The following BARD1 variants were observed in gnomAD, a reference collection of about 807,000 sequenced individuals.
BARD1 encodes the protein BRCA1-associated RING domain protein 1.
Under a neutral mutation model 77.0 loss-of-function variants are expected in BARD1, and 73 were observed. That is an observed-to-expected ratio of 0.95 (90% CI 0.79 to 1.15). The LOEUF (loss-of-function observed/expected upper bound fraction) is 1.15. BARD1 is among the 50% of genes most tolerant of loss of function. The probability of loss-of-function intolerance (pLI) is 0.00; values close to 1 mark genes in which losing one functional copy is unlikely to be tolerated. For missense variants in BARD1, 993 were observed against 938.8 expected (o/e 1.06, Z -0.75); for synonymous variants, 384 against 338.0 (o/e 1.14, Z -1.49).
At chr2:214,761,999 A>G (rs979029454) in intron 6 of BARD1, among the ~76,000 whole-genome samples, 1 of 152,202 alleles carries the variant, frequency 6.6e-6, no homozygotes, top group Non-Finnish European at 1.5e-5. Flanking sequence ...CAAGAATAAC[A>G]AATTATATTT....
At chr2:214,789,564 A>T (rs918078992) in intron 3 of BARD1, among the ~76,000 whole-genome samples, 8 of 152,064 alleles carry the variant, frequency 5.3e-5, no homozygotes, top group African/African-American at 1.7e-4. Context: ...AAATAAATAA[A>T]TAATTTTAAT....
At chr2:214,757,093 T>C (rs536985462) in intron 6 of BARD1, among the ~76,000 whole-genome samples, 1 of 152,284 alleles carries the variant, frequency 6.6e-6, no homozygotes, top group South Asian at 2.1e-4. Flanking sequence ...ACCATGACTG[T>C]AAGTTTCCTG....
intron 3 of BARD1, among the ~76,000 whole-genome samples, chr2:214,782,697 G>A (rs1239479743): frequency 1.3e-5 from 2 of 152,114 alleles, no homozygotes; most frequent in Non-Finnish European, 2.9e-5. Flanking sequence ...ATCAAGGAAG[G>A]CATCAAGGAG....
intron 9 of BARD1, among the ~76,000 whole-genome samples, chr2:214,744,485 C>T (rs757064059): frequency 2.6e-5 from 4 of 152,112 alleles, no homozygotes; most frequent in Non-Finnish European, 4.4e-5. Context: ...TAACATGAAT[C>T]GCTTAGGCTT....
intron 6 of BARD1, among the ~76,000 whole-genome samples, chr2:214,759,764 A>G (rs181720601): frequency 1.4e-3 from 207 of 152,292 alleles, no homozygotes; most frequent in African/African-American, 4.7e-3. Flanking sequence ...CACAGCCTCT[A>G]TGGGAAAAAA....
chr2:214,738,704 G>C lies in BARD1; in HGVS notation c.1903+6363C>G, dbSNP rs117538984. 1.3e-5 allele frequency among the ~76,000 whole-genome samples: 2 copies of C among 152,212 alleles called. 1 individual carries two copies. Among genetic ancestry groups the C allele is most frequent in the Middle Eastern group, 6.8e-3 (2 of 294 alleles). Reference sequence around the variant, plus strand: ...ATCCACAGTTATACAAAAATGATGAGAGAATACAATGAAGATGGAAGAAAA... The same window carrying C: ...ATCCACAGTTATACAAAAATGATGACAGAATACAATGAAGATGGAAGAAAA... On this transcript the variant is annotated intron_variant, in intron 9 of 10. Coordinates refer to ENST00000260947, the MANE Select transcript of BARD1 (RefSeq NM_000465.4).
In BARD1 at chr2:214,809,607, G is replaced by A. The variant is rs2106172373; in HGVS notation, c.-38C>T. 1 of 1,525,534 alleles carries A rather than the reference G, an allele frequency of 6.6e-7. No individual in the cohort carries two copies. The highest frequency in any genetic ancestry group is 1.4e-5 in the African/African-American group (1 of 72,918). The allele number at this position is 1,525,534 out of a possible 1,614,324, so 94.5% of individuals were successfully genotyped here. On this transcript the variant is annotated 5_prime_UTR_variant, in exon 1 of 11. Transcript: ENST00000260947. ...GGATGAAAGGCTCCTCGCAGAGCGGGAAGCAAGGAAGCCTCGGGAAACCAC... is the reference window on the plus strand; with the variant it reads ...GGATGAAAGGCTCCTCGCAGAGCGGAAAGCAAGGAAGCCTCGGGAAACCAC...
intron 9 of BARD1, among the ~76,000 whole-genome samples, chr2:214,744,007 C>T (rs1337566038): frequency 2.0e-5 from 3 of 152,144 alleles, no homozygotes; most frequent in African/African-American, 7.2e-5. Context: ...AACTACTAAT[C>T]TTTTGTAAAC....
chr2:214,809,457 C>A lies in BARD1; in HGVS notation c.113G>T (p.Arg38Leu). 6.2e-7 allele frequency: 1 copy of A among 1,611,386 alleles called. No homozygotes were observed. Among genetic ancestry groups the A allele is most frequent in the East Asian group, 2.2e-5 (1 of 44,816 alleles). Residue 38 changes from arginine to leucine, a missense_variant, in exon 1 of 11, where the codon CGC becomes CTC. By Grantham distance (102) the Arg-to-Leu change is moderately radical (BLOSUM62 -2). Coordinates refer to ENST00000260947, the MANE Select transcript of BARD1 (RefSeq NM_000465.4). ...PDGRGAWAHSRAALDRLEKLL... is the reference protein window; with the variant it reads ...PDGRGAWAHSLAALDRLEKLL... ...CTTCTCCAGGCGGTCGAGCGCGGCG[C>A]GACTGTGGGCCCAGGCACCGCGACC...
At chr2:214,760,389 C>T (rs989154668) in intron 6 of BARD1, among the ~76,000 whole-genome samples, 4 of 152,138 alleles carry the variant, frequency 2.6e-5, no homozygotes. Flanking sequence ...GATGGGGTTT[C>T]ACCATGTTGG....
chr2:214,793,224 C>T (rs184246882), intron 2 of BARD1, among the ~76,000 whole-genome samples: 23 of 152,252 alleles, frequency 1.5e-4, no homozygotes, highest in African/African-American at 5.3e-4. Context: ...GGACCCAATC[C>T]TCTGTAGGCA....
intron 2 of BARD1, among the ~76,000 whole-genome samples, chr2:214,793,422 G>A (rs1259398820): frequency 6.6e-6 from 1 of 152,044 alleles, no homozygotes; most frequent in Non-Finnish European, 1.5e-5. Flanking sequence ...ATGTCACTGG[G>A]GTCAATAAAT....
rs786203772 is a variant in BARD1, at chr2:214,730,449, C to G, written c.1963G>C (p.Glu655Gln). ...TTGAGCCTGCTTCTGCGTGGACCTT[C>G]AGGAATTTCATACTTTTCTTCCTGT... is the stretch of plus-strand genomic sequence containing the variant. ...CEQEEKYEIP[E>Q]GPRRSRLNRE... The change falls in exon 10 of 11, where the codon GAA becomes CAA. Residue 655 changes from glutamate to glutamine, a missense_variant. Coordinates refer to ENST00000260947, the MANE Select transcript of BARD1 (RefSeq NM_000465.4). The G allele has an allele frequency of 1.2e-6, 2 of 1,613,694 alleles. No homozygotes were observed. Among genetic ancestry groups the G allele is most frequent in the East Asian group, 4.5e-5 (2 of 44,844 alleles).
intron 1 of BARD1, among the ~76,000 whole-genome samples, chr2:214,800,492 C>T (rs1393578330): frequency 6.6e-6 from 1 of 152,096 alleles, no homozygotes; most frequent in African/African-American, 2.4e-5. Flanking sequence ...GTGCCATGAT[C>T]GTGCCTGTGA....
At chr2:214,772,051 C>T (rs1485677508) in intron 4 of BARD1, among the ~76,000 whole-genome samples, 1 of 151,944 alleles carries the variant, frequency 6.6e-6, no homozygotes, top group African/African-American at 2.4e-5. Context: ...ACTGTAACTT[C>T]AAGCTCCTGG....
chr2:214,757,241 A>G (rs1156381087), intron 6 of BARD1, among the ~76,000 whole-genome samples: 1 of 151,770 alleles, frequency 6.6e-6, no homozygotes, highest in African/African-American at 2.4e-5. Context: ...CAAAGGCTCT[A>G]ATTTTTTTTC....
intron 1 of BARD1, among the ~76,000 whole-genome samples, chr2:214,802,253 T>G (rs1046570974): frequency 6.6e-6 from 1 of 152,200 alleles, no homozygotes; most frequent in African/African-American, 2.4e-5. Context: ...TGTTTTTCAC[T>G]TTTAGTATGG....
chr2:214,770,058 T>G (rs77965887), intron 4 of BARD1, among the ~76,000 whole-genome samples: 2,247 of 152,314 alleles, frequency 0.015, 13 homozygotes, highest in Middle Eastern at 0.031. Flanking sequence ...AAACTGCCAT[T>G]TTATTGGCAG....
At chr2:214,756,295 T>C (rs1693690996) in intron 6 of BARD1, among the ~76,000 whole-genome samples, 1 of 152,130 alleles carries the variant, frequency 6.6e-6, no homozygotes, top group Non-Finnish European at 1.5e-5. Context: ...ACCTTACTCC[T>C]GCAAGAATGG....
Sources: allele counts gnomAD v4.1 joint callset (sites outside exome capture counted in the v4.1 genomes callset), GRCh38; gene constraint gnomAD v4.1.1; transcripts MANE v1.5; gene names NCBI Gene and HGNC (gene_info 2026-07-23, HGNC 2026-07-21).